The following XKR3 variants were observed in gnomAD, a reference collection of about 807,000 sequenced individuals.
The protein encoded by XKR3 is XK related 3.
A neutral mutation model predicts 40.3 loss-of-function variants in XKR3; 27 were observed. The observed-to-expected ratio is 0.67, with a 90% CI of 0.49 to 0.92. The LOEUF is 0.92. Among genes scored for constraint, XKR3 ranks in the 40% least tolerant of loss-of-function variants. The pLI is 0.00. For synonymous variants in XKR3, 193 were observed against 195.4 expected (o/e 0.99, Z 0.10); for missense variants, 472 against 537.6 (o/e 0.88, Z 1.21).
rs779535698 is a variant in XKR3, at chr22:16,799,993, AT to A, written c.366del (p.Lys122AsnfsTer3). ...RCLHTIRNYH[K>X]WLKNLKQEKE... is the part of the protein sequence containing the mutation. Reference sequence around the variant, plus strand: ...TTCTCCTGTTTAAGATTTTTCAACCATTTGTGGTAATTTCTAATGGTGTGCA... The same window carrying A: ...TTCTCCTGTTTAAGATTTTTCAACCATTGTGGTAATTTCTAATGGTGTGCA... On this transcript the variant is annotated frameshift_variant, in exon 3 of 4. Transcript: ENST00000684488. LOFTEE classifies it high-confidence loss of function. The A allele has an allele frequency of 3.1e-6, 5 of 1,613,996 alleles. No homozygotes were observed. In the East Asian group the frequency reaches 1.1e-4, roughly 36 times the overall value.
In XKR3 at chr22:16,784,036, G is replaced by A; in HGVS notation, c.963C>T (p.Cys321=). The change falls in exon 4 of 4, where the codon TGC becomes TGT. Residue 321 remains cysteine (C), a synonymous_variant. Transcript: ENST00000684488. ...ACAACTGCAGTTTCACTGCTGACCA[G>A]CAGGAGAAGTTGATGGCAGCATATA... ...TLLYAAINFS[C]WSAVKLQLSD... is the part of the protein sequence containing the mutation. 6.2e-7 allele frequency: 1 copy of A among 1,614,232 alleles called. No individual in the cohort carries two copies.
chr22:16,792,568 A>G (rs2060124801), intron 3 of XKR3, among the ~76,000 whole-genome samples: 1 of 152,252 alleles, frequency 6.6e-6, no homozygotes, highest in East Asian at 1.9e-4. Flanking sequence ...AATTTTGGAC[A>G]CATGTAAACG....
chr22:16,788,942 C>A (rs1358269672), intron 3 of XKR3, among the ~76,000 whole-genome samples: 2 of 152,092 alleles, frequency 1.3e-5, no homozygotes, highest in Non-Finnish European at 1.5e-5. Context: ...AATTCAACAT[C>A]TTTTTATAAT....
chr22:16,819,732 A>G (rs9618892), intron 1 of XKR3, among the ~76,000 whole-genome samples: 23,477 of 152,084 alleles, frequency 0.15, 2,020 homozygotes, highest in East Asian at 0.37. Flanking sequence ...GATACCAAAA[A>G]TACAAGCCAT....
In XKR3 at chr22:16,783,900, C is replaced by T; in HGVS notation, c.1099G>A (p.Gly367Arg). The T allele has an allele frequency of 6.2e-7, 1 of 1,614,152 alleles. No individual in the cohort carries two copies. ...IMILVFRFFG[G>R]KTLLNCCDSL... ...TCACAACAATTCAGCAAAGTTTTCC[C>T]TCCAAAGAACCTAAATACCAATATC... The change falls in exon 4 of 4, where the codon GGG becomes AGG. Residue 367 changes from glycine (G) to arginine (R), a missense_variant. Physicochemically the swap from Gly to Arg is moderately radical, Grantham distance 125. Coordinates refer to ENST00000684488, the MANE Select transcript of XKR3 (RefSeq NM_001386955.1).
intron 3 of XKR3, among the ~76,000 whole-genome samples, chr22:16,787,491 G>C (rs1340276222): frequency 4.0e-5 from 6 of 151,450 alleles, no homozygotes; most frequent in East Asian, 1.9e-4. Flanking sequence ...CCCAGGACAC[G>C]GAGGTTGCAT....
intron 2 of XKR3, 76 bp from the exon 3 acceptor site, chr22:16,800,100 G>A: frequency 6.6e-7 from 1 of 1,506,344 alleles, no homozygotes; most frequent in Non-Finnish European, 8.9e-7. Flanking sequence ...AGTTTATCAG[G>A]AGAGGAACTC....
rs1782800813 is a variant in XKR3, at chr22:16,794,739, G to T, written c.589+5032C>A. ...TAACCTTGAATGACACACAGTGGTA[G>T]GCTGAATAAAAAGACAAACCCAACC... On this transcript the variant is annotated intron_variant, in intron 3 of 3. Coordinates refer to ENST00000684488, the MANE Select transcript of XKR3 (RefSeq NM_001386955.1). 7.2e-5 allele frequency among the ~76,000 whole-genome samples: 11 copies of T among 152,280 alleles called. No individual in the cohort carries two copies. In the South Asian group the frequency reaches 2.3e-3, roughly 32 times the overall value.
chr22:16,803,968 TC>T (rs2060179664), intron 2 of XKR3, among the ~76,000 whole-genome samples: 1 of 152,166 alleles, frequency 6.6e-6, no homozygotes, highest in African/African-American at 2.4e-5. Context: ...CCAAGAACCC[TC>T]TCTTGGGGTC....
At chr22:16,805,186 G>T (rs1016596104) in intron 2 of XKR3, among the ~76,000 whole-genome samples, 1 of 152,034 alleles carries the variant, frequency 6.6e-6, no homozygotes, top group Non-Finnish European at 1.5e-5. Flanking sequence ...AGAAAATCTG[G>T]AGGAATCCAC....
At chr22:16,788,011 C>A (rs2060097998) in intron 3 of XKR3, among the ~76,000 whole-genome samples, 1 of 152,062 alleles carries the variant, frequency 6.6e-6, no homozygotes, top group Non-Finnish European at 1.5e-5. Context: ...CAGAACTATC[C>A]ATCCAAGAGT....
intron 1 of XKR3, among the ~76,000 whole-genome samples, chr22:16,819,468 G>A (rs1328216780): frequency 1.3e-5 from 2 of 152,000 alleles, no homozygotes; most frequent in African/African-American, 2.4e-5. Flanking sequence ...ATTTGAATAT[G>A]ATGCAATATC....
chr22:16,799,443 G>C (rs1410880185), intron 3 of XKR3, among the ~76,000 whole-genome samples: 1 of 81,340 alleles, frequency 1.2e-5, no homozygotes, highest in Non-Finnish European at 2.4e-5. Flanking sequence ...AAGCAATGCT[G>C]TTTATACAAG....
intron 1 of XKR3, among the ~76,000 whole-genome samples, chr22:16,816,589 T>G (rs933458222): frequency 6.6e-6 from 1 of 151,982 alleles, no homozygotes; most frequent in African/African-American, 2.4e-5. Context: ...AAAATAAAAA[T>G]AATAGGTTTT....
intron 1 of XKR3, among the ~76,000 whole-genome samples, chr22:16,824,191 T>C (rs1206453691): frequency 6.6e-6 from 1 of 152,056 alleles, no homozygotes; most frequent in Admixed American, 6.6e-5. Context: ...AAAAACACTC[T>C]TGTAAATAAA....
Position 16,783,706 on chromosome 22 carries a change from C to A in XKR3, c.1293G>T (p.Lys431Asn), listed in dbSNP as rs2146134650. The A allele has an allele frequency of 6.2e-7, 1 of 1,613,840 alleles. No homozygotes were observed. The change falls in exon 4 of 4, where the codon AAG (lysine) becomes AAT (asparagine). Residue 431 changes from lysine to asparagine, a missense_variant. By Grantham distance (94) the Lys-to-Asn change is moderately conservative. Transcript: ENST00000684488. ...AATTCCTCAGCTGCTTATTTTTATTCTTTTCAGTTTTCTCGATGTTTACAT... is the reference window on the plus strand; with the variant it reads ...AATTCCTCAGCTGCTTATTTTTATTATTTTCAGTTTTCTCGATGTTTACAT... ...YYYVNIEKTE[K>N]NKNKQLRNYC...
intron 1 of XKR3, among the ~76,000 whole-genome samples, chr22:16,824,006 A>G (rs1173880645): frequency 2.0e-5 from 3 of 152,186 alleles, no homozygotes; most frequent in Non-Finnish European, 2.9e-5. Flanking sequence ...TGGTCCAAAA[A>G]TTAAAAAACA....
At chr22:16,809,909 G>A (rs2060205925) in intron 1 of XKR3, among the ~76,000 whole-genome samples, 2 of 152,116 alleles carry the variant, frequency 1.3e-5, no homozygotes, top group African/African-American at 4.8e-5. Flanking sequence ...CAGGCCACCA[G>A]GCCTAGCTAA....
intron 1 of XKR3, among the ~76,000 whole-genome samples, chr22:16,823,433 A>G (rs2060264083): frequency 6.6e-6 from 1 of 152,206 alleles, no homozygotes; most frequent in African/African-American, 2.4e-5. Flanking sequence ...AGAGTATTTG[A>G]CAGTGAAATA....
Sources: gnomAD v4.1 joint callset for allele counts (sites outside exome capture counted in the v4.1 genomes callset) on GRCh38, gnomAD v4.1.1 for gene constraint, MANE v1.5 for transcripts, NCBI Gene and HGNC (gene_info 2026-07-23, HGNC 2026-07-21) for gene names.